TADA2A: variants seen among roughly 807,000 people sequenced by gnomAD.
TADA2A encodes the protein transcriptional adapter 2-alpha.
A neutral mutation model predicts 67.4 loss-of-function variants in TADA2A; 38 were observed. The ratio of observed to expected loss-of-function variants is 0.56; its 90% CI spans 0.44 to 0.74. The LOEUF (loss-of-function observed/expected upper bound fraction) is 0.74. TADA2A is among the 30% of genes least tolerant of loss of function. The pLI is 0.00. For missense variants in TADA2A, 454 were observed against 547.0 expected (o/e 0.83, Z 1.70); for synonymous variants, 192 against 181.6 (o/e 1.06, Z -0.46).
intron 8 of TADA2A, among the ~76,000 whole-genome samples, chr17:37,453,047 G>C (rs891773182): frequency 7.2e-5 from 11 of 152,166 alleles, no homozygotes; most frequent in African/African-American, 2.4e-4. Context: ...CCTGGATAAA[G>C]TACTCCTGGA....
intron 8 of TADA2A, among the ~76,000 whole-genome samples, chr17:37,452,239 C>A (rs2053254773): frequency 1.3e-5 from 2 of 151,930 alleles, no homozygotes; most frequent in Non-Finnish European, 2.9e-5. Flanking sequence ...CCCATCTCTA[C>A]TAAAAATACA....
At chr17:37,411,786 A>G (rs889850669) in intron 2 of TADA2A, among the ~76,000 whole-genome samples, 5 of 152,096 alleles carry the variant, frequency 3.3e-5, no homozygotes, top group Admixed American at 6.6e-5. Context: ...AGAAAAATAA[A>G]CGATGAAGTT....
At chr17:37,455,124 C>T (rs1169192331) in intron 8 of TADA2A, among the ~76,000 whole-genome samples, 1 of 152,158 alleles carries the variant, frequency 6.6e-6, no homozygotes, top group Non-Finnish European at 1.5e-5. Context: ...TTACACAAAG[C>T]TTAATTGATA....
At chr17:37,455,369 TTTGTTTG>T (rs1568170966) in intron 8 of TADA2A, among the ~76,000 whole-genome samples, 5 of 144,600 alleles carry the variant, frequency 3.5e-5, no homozygotes, top group Admixed American at 1.5e-4. Flanking sequence ...TGTTTTTTTG[TTTGTTTG>T]TTTGTTTGTT....
rs1442153210 is a variant in TADA2A at position 37,470,407 on chromosome 17, A to G, written c.903A>G (p.Arg301=). The change falls in exon 13 of 16, where the codon AGA becomes AGG. Residue 301 remains arginine, a synonymous_variant. Transcript: ENST00000615182. ...TGTTTTCTATACCCCCAGGTGCCAG[A>G]ACCTACGATCACCTCAAGAAGACAC... ...TAGITNFCSA[R]TYDHLKKTRE... is the part of the protein sequence containing the mutation. The G allele has an allele frequency of 6.2e-7, 1 of 1,613,692 alleles. No homozygotes were observed. Among genetic ancestry groups the G allele is most frequent in the Non-Finnish European group, 8.5e-7 (1 of 1,179,924 alleles).
chr17:37,415,874 C>CAAAA (rs35954525), intron 2 of TADA2A, among the ~76,000 whole-genome samples: 2 of 105,858 alleles, frequency 1.9e-5, no homozygotes, highest in African/African-American at 3.5e-5. Context: ...AACTCCTTCT[C>CAAAA]AAAAAAAAAA....
chr17:37,465,780 A>G lies in TADA2A; in HGVS notation c.823+239A>G, dbSNP rs547182464. 64 of 605,418 alleles carry G rather than the reference A, an allele frequency of 1.1e-4. 1 individual carries two copies. The South Asian group carries it at 1.6e-3, about 15-fold the overall frequency. 37.5% of individuals were successfully genotyped at this position (605,418 alleles called of 1,614,324 possible). Reference sequence around the variant, plus strand: ...CAATAATTTAGTAGTTTTTCTCCCTACTTTGTATCATGGGAACTTTCAAAT... The same window carrying G: ...CAATAATTTAGTAGTTTTTCTCCCTGCTTTGTATCATGGGAACTTTCAAAT... On this transcript the variant is annotated intron_variant, in intron 11 of 15. Coordinates refer to ENST00000615182, the MANE Select transcript of TADA2A (RefSeq NM_001166105.3).
At chr17:37,411,569 C>T (rs918143621) in intron 2 of TADA2A, among the ~76,000 whole-genome samples, 179 bp downstream of exon 2, 8 of 151,898 alleles carry the variant, frequency 5.3e-5, no homozygotes, top group South Asian at 2.1e-4. Context: ...ACTACAGGCG[C>T]GCACCACCAC....
chr17:37,431,618 A>G (rs2052571445), intron 4 of TADA2A, among the ~76,000 whole-genome samples: 1 of 146,856 alleles, frequency 6.8e-6, no homozygotes. Flanking sequence ...CCTGTCGCCC[A>G]GGCTGGAGTC....
At chr17:37,446,106 T>G (rs1246332552) in intron 8 of TADA2A, among the ~76,000 whole-genome samples, 6 of 133,318 alleles carry the variant, frequency 4.5e-5, no homozygotes, top group African/African-American at 1.5e-4. Context: ...TGGGGGGGTT[T>G]TTTTTTTTTT....
At chr17:37,463,975 AG>A in intron 10 of TADA2A, among the ~76,000 whole-genome samples, 1 of 151,956 alleles carries the variant, frequency 6.6e-6, no homozygotes, top group Non-Finnish European at 1.5e-5. Context: ...AAGGTAAGCT[AG>A]GAAAAAAAAA....
chr17:37,475,258 A>C (rs1192196505), intron 15 of TADA2A, among the ~76,000 whole-genome samples: 1 of 149,846 alleles, frequency 6.7e-6, no homozygotes, highest in South Asian at 2.2e-4. Flanking sequence ...TGCAGCCTCC[A>C]CCTCCCAGGT....
chr17:37,438,759 G>A (rs2052807396), intron 5 of TADA2A, among the ~76,000 whole-genome samples: 1 of 152,172 alleles, frequency 6.6e-6, no homozygotes. Context: ...GAGTTTGCTA[G>A]TCATCTTTGG....
At chr17:37,427,030 A>G (rs1176831436) in intron 4 of TADA2A, 21 bp downstream of exon 4, 1 of 1,558,706 alleles carries the variant, frequency 6.4e-7, no homozygotes, top group South Asian at 1.2e-5. Context: ...AGTTGCTGGG[A>G]ATTTCTGTTC....
At chr17:37,430,750 G>C (rs559326214) in intron 4 of TADA2A, among the ~76,000 whole-genome samples, 34 of 152,208 alleles carry the variant, frequency 2.2e-4, no homozygotes, top group African/African-American at 7.7e-4. Context: ...TGCCTTCTTT[G>C]GTGTGTCTGT....
chr17:37,439,906 C>CTTTA (rs200809737), intron 5 of TADA2A, among the ~76,000 whole-genome samples: 9,377 of 132,014 alleles, frequency 0.071, 468 homozygotes, highest in Non-Finnish European at 0.1. Context: ...TTCCAGTCAT[C>CTTTA]TTTATTTATT....
At chr17:37,418,673 C>T (rs2052130727) in intron 2 of TADA2A, among the ~76,000 whole-genome samples, 1 of 146,380 alleles carries the variant, frequency 6.8e-6, no homozygotes, top group Non-Finnish European at 1.5e-5. Flanking sequence ...CTCACTGCAA[C>T]CTCCCCCTCC....
At chr17:37,435,311 C>G (rs28856667) in intron 4 of TADA2A, among the ~76,000 whole-genome samples, 3 of 151,936 alleles carry the variant, frequency 2.0e-5, no homozygotes, top group Admixed American at 2.0e-4. Flanking sequence ...GTTTTTGAAA[C>G]GGAGTCTCTC....
chr17:37,437,977 T>C (rs958266568), intron 5 of TADA2A, 148 bp downstream of exon 5: 3 of 690,076 alleles, frequency 4.3e-6, no homozygotes, highest in Non-Finnish European at 7.5e-6. Context: ...GTCCCCTCTG[T>C]ACATTATTTT....
Sources: allele counts gnomAD v4.1 joint callset (sites outside exome capture counted in the v4.1 genomes callset), GRCh38; gene constraint gnomAD v4.1.1; transcripts MANE v1.5; gene names NCBI Gene and HGNC (gene_info 2026-07-23, HGNC 2026-07-21).